The following DHRSX variants were observed in gnomAD, a reference collection of about 807,000 sequenced individuals.
The protein encoded by DHRSX is polyprenol dehydrogenase.
A neutral mutation model predicts 34.0 loss-of-function variants in DHRSX; 31 were observed. That is an observed-to-expected ratio of 0.91 (90% CI 0.69 to 1.23). DHRSX has a LOEUF of 1.23. Ranked by LOEUF, DHRSX falls within the 50% of genes most tolerant of loss-of-function variation. The pLI, the probability that DHRSX is intolerant of heterozygous loss-of-function variation, is 0.00. For missense variants in DHRSX, 414 were observed against 428.1 expected (o/e 0.97, Z 0.29); for synonymous variants, 201 against 183.8 (o/e 1.09, Z -0.76).
intron 1 of DHRSX, among the ~76,000 whole-genome samples, chrX:2,474,854 G>A (rs112505460): frequency 0.2 from 30,473 of 149,230 alleles, 4,072 homozygotes; most frequent in African/African-American, 0.39. Flanking sequence ...AGGGACCGCC[G>A]CCATGTACAC....
chrX:2,222,610 G>T (rs1456130439), intron 6 of DHRSX, among the ~76,000 whole-genome samples: 1 of 152,150 alleles, frequency 6.6e-6, no homozygotes, highest in Non-Finnish European at 1.5e-5. Context: ...CACTGCAGTG[G>T]CTCAGGCCTG....
chrX:2,381,875 G>C (rs1027579921), intron 3 of DHRSX, among the ~76,000 whole-genome samples: 5 of 150,640 alleles, frequency 3.3e-5, no homozygotes, highest in Non-Finnish European at 5.9e-5. Context: ...CAGCCTGACA[G>C]GTGCATGATT....
At chrX:2,266,658 G>T in intron 5 of DHRSX, 82 bp downstream of exon 5, 1 of 1,369,442 alleles carries the variant, frequency 7.3e-7, no homozygotes, top group Middle Eastern at 1.8e-4. Flanking sequence ...TGCAGGGAGC[G>T]CCACACCGCA....
intron 1 of DHRSX, among the ~76,000 whole-genome samples, chrX:2,439,290 G>A (rs2044035186): frequency 6.6e-6 from 1 of 152,286 alleles, no homozygotes; most frequent in East Asian, 1.9e-4. Context: ...AGAGGAAAGA[G>A]AGGGAGAGAG....
At chrX:2,358,817 C>T (rs2042890027) in intron 3 of DHRSX, among the ~76,000 whole-genome samples, 1 of 151,934 alleles carries the variant, frequency 6.6e-6, no homozygotes, top group Admixed American at 6.6e-5. Context: ...GTGCATGTAA[C>T]TAAAGTCAAA....
chrX:2,236,883 T>TA (rs553057998), intron 6 of DHRSX, among the ~76,000 whole-genome samples: 61,147 of 135,942 alleles, frequency 0.45, 13,340 homozygotes, highest in Middle Eastern at 0.56. Flanking sequence ...TGTTTATTAA[T>TA]AAAAAAAAAA....
intron 3 of DHRSX, among the ~76,000 whole-genome samples, chrX:2,324,767 TTC>T (rs2042356838): frequency 6.8e-6 from 1 of 146,996 alleles, no homozygotes; most frequent in Admixed American, 7.2e-5. Context: ...CTTTTTTCTT[TTC>T]TTTTTTTTTT....
intron 6 of DHRSX, among the ~76,000 whole-genome samples, chrX:2,222,486 T>C (rs2015543247): frequency 6.6e-6 from 1 of 152,234 alleles, no homozygotes; most frequent in Non-Finnish European, 1.5e-5. Flanking sequence ...AGCTCCTCCT[T>C]GTTACAGAAC....
rs763640693 is a variant in DHRSX, at chrX:2,457,204, C to G, written c.110-31900G>C. Among the ~76,000 whole-genome samples the G allele has an allele frequency of 3.3e-5, 5 of 152,248 alleles. No homozygotes were observed. The South Asian group carries it at 1.0e-3, about 32-fold the overall frequency. On this transcript the variant is annotated intron_variant, in intron 1 of 6. Transcript: ENST00000334651. Reference sequence around the variant, plus strand: ...CTGAAGACGTTTTCTAAGAATGTGGCCAAGGGTCCACACTGAAGATGATCC... The same window carrying G: ...CTGAAGACGTTTTCTAAGAATGTGGGCAAGGGTCCACACTGAAGATGATCC...
intron 5 of DHRSX, among the ~76,000 whole-genome samples, chrX:2,248,657 A>AGAAAAGGAAAAG (rs757348706): frequency 5.5e-5 from 8 of 145,326 alleles, no homozygotes; most frequent in South Asian, 2.2e-4. Context: ...AAGAAAGAAA[A>AGAAAAGGAAAAG]GAAAAGGAAA....
At chrX:2,324,890 T>A (rs1212672197) in intron 3 of DHRSX, among the ~76,000 whole-genome samples, 1 of 149,552 alleles carries the variant, frequency 6.7e-6, no homozygotes, top group Non-Finnish European at 1.5e-5. Context: ...TGCCTCAGCC[T>A]CCTAAGTAGC....
At chrX:2,324,946 G>GTTTTTT (rs777086783) in intron 3 of DHRSX, among the ~76,000 whole-genome samples, 1 of 137,896 alleles carries the variant, frequency 7.3e-6, no homozygotes. Context: ...TTTTTGTTTT[G>GTTTTTT]TTTTTTTTTT....
At chrX:2,346,375 G>T (rs138201610) in intron 3 of DHRSX, among the ~76,000 whole-genome samples, 11 of 151,954 alleles carry the variant, frequency 7.2e-5, no homozygotes, top group Non-Finnish European at 1.0e-4. Flanking sequence ...GGTTTTTCTC[G>T]TCTCTGTTTT....
At chrX:2,282,512 A>C (rs2041720021) in intron 4 of DHRSX, among the ~76,000 whole-genome samples, 1 of 145,434 alleles carries the variant, frequency 6.9e-6, no homozygotes, top group Admixed American at 6.9e-5. Context: ...TAGAGAGACA[A>C]GGGGAGAGAC....
At chrX:2,229,096 C>G (rs1313597296) in intron 6 of DHRSX, among the ~76,000 whole-genome samples, 13 of 152,140 alleles carry the variant, frequency 8.5e-5, no homozygotes, top group Admixed American at 8.5e-4. Flanking sequence ...TATTTGAATG[C>G]AGACGCTGTT....
intron 1 of DHRSX, among the ~76,000 whole-genome samples, chrX:2,457,751 T>C (rs1316121841): frequency 1.3e-5 from 2 of 151,760 alleles, no homozygotes; most frequent in Non-Finnish European, 1.5e-5. Flanking sequence ...TGCCACCATG[T>C]ACACACTGAA....
chrX:2,427,886 A>T (rs912468730), intron 1 of DHRSX, among the ~76,000 whole-genome samples: 14 of 152,226 alleles, frequency 9.2e-5, no homozygotes, highest in African/African-American at 3.4e-4. Context: ...TTGATTTTTT[A>T]AAATATGGCA....
rs758506798 is a variant in DHRSX, at chrX:2,254,950, C to T, written c.597-11720G>A. ...GAGCCACTGTGCCTGCCCCACGCCC[C>T]CCCCCTTTTTTTTCTTTTTTTTTTT... On this transcript the variant is annotated intron_variant, in intron 5 of 6. Coordinates refer to ENST00000334651, the MANE Select transcript of DHRSX (RefSeq NM_145177.3). 5.5e-5 allele frequency among the ~76,000 whole-genome samples: 8 copies of T among 145,578 alleles called. No individual in the cohort carries two copies. The East Asian group carries it at 1.4e-3, about 25-fold the overall frequency.
intron 1 of DHRSX, among the ~76,000 whole-genome samples, chrX:2,476,239 CA>C (rs111944891): frequency 6.8e-6 from 1 of 147,576 alleles, no homozygotes; most frequent in African/African-American, 2.5e-5. Context: ...AACACACACA[CA>C]AAAAAAAATT....
Sources: allele counts gnomAD v4.1 joint callset (sites outside exome capture counted in the v4.1 genomes callset), GRCh38; gene constraint gnomAD v4.1.1; transcripts MANE v1.5; gene names NCBI Gene and HGNC (gene_info 2026-07-23, HGNC 2026-07-21).